ERBB4: variants seen among roughly 807,000 people sequenced by gnomAD.
The protein encoded by ERBB4 is receptor tyrosine-protein kinase erbB-4.
Under a neutral mutation model 158.0 loss-of-function variants are expected in ERBB4, and 42 were observed. The ratio of observed to expected loss-of-function variants is 0.27; its 90% confidence interval spans 0.21 to 0.34. ERBB4 has a LOEUF of 0.34. Ranked by LOEUF, ERBB4 falls within the 10% of genes least tolerant of loss-of-function variation. ERBB4 has a pLI of 1.00. For missense variants in ERBB4, 1,333 were observed against 1,624.1 expected, an observed-to-expected ratio of 0.82 and a Z score of 3.08; for synonymous variants, 583 against 558.7, an observed-to-expected ratio of 1.04 and a Z score of -0.61.
intron 3 of ERBB4, among the ~76,000 whole-genome samples, chr2:211,801,317 C>T (rs943502899): frequency 8.5e-5 from 13 of 152,104 alleles, no homozygotes; most frequent in Non-Finnish European, 1.9e-4. Flanking sequence ...GTTAGGTGAA[C>T]TTACTGGATT....
intron 25 of ERBB4, among the ~76,000 whole-genome samples, chr2:211,400,112 C>T (rs2063002312): frequency 6.6e-6 from 1 of 152,080 alleles, no homozygotes; most frequent in Non-Finnish European, 1.5e-5. Flanking sequence ...TGGAGAAGAG[C>T]TCTTGATAAG....
chr2:211,545,202 T>G (rs902763062), intron 20 of ERBB4, among the ~76,000 whole-genome samples: 2 of 152,024 alleles, frequency 1.3e-5, no homozygotes, highest in African/African-American at 4.8e-5. Context: ...GGCTAGACGC[T>G]TAACATTTTT....
chr2:212,044,661 T>C (rs929590293), intron 2 of ERBB4, among the ~76,000 whole-genome samples: 1 of 152,138 alleles, frequency 6.6e-6, no homozygotes, highest in African/African-American at 2.4e-5. Context: ...ACTTTTGATG[T>C]TAGTACAAAG....
intron 2 of ERBB4, among the ~76,000 whole-genome samples, chr2:211,958,266 A>G (rs374238627): frequency 2.7e-4 from 41 of 152,236 alleles, no homozygotes; most frequent in African/African-American, 9.4e-4. Flanking sequence ...AAATTCAAAC[A>G]TACGCAATAG....
At chr2:211,831,103 T>C (rs116140256) in intron 3 of ERBB4, among the ~76,000 whole-genome samples, 6,823 of 152,258 alleles carry the variant, frequency 0.045, 267 homozygotes, top group Middle Eastern at 0.068. Flanking sequence ...AATGAAAAAG[T>C]ACTTAGCTTG....
intron 2 of ERBB4, among the ~76,000 whole-genome samples, chr2:212,106,838 G>A (rs867040301): frequency 6.6e-6 from 1 of 152,236 alleles, no homozygotes; most frequent in Non-Finnish European, 1.5e-5. Context: ...TCAGGCCATG[G>A]CTTCAGAGGG....
intron 10 of ERBB4, among the ~76,000 whole-genome samples, chr2:211,704,750 T>G (rs11892210): frequency 0.045 from 6,913 of 152,228 alleles, 517 homozygotes; most frequent in African/African-American, 0.16. Flanking sequence ...AAAAACATAG[T>G]TTCAAAGATC....
Position 211,842,422 on chromosome 2 carries a change from T to C in ERBB4, c.422-54263A>G, listed in dbSNP as rs181245021. ...ACAATTCATTCAAACTTGAGATAAA[T>C]GTAGTCAATATCTTTTCTGGAAAAT... On this transcript the variant is annotated intron_variant, in intron 3 of 27. Coordinates refer to ENST00000342788, the MANE Select transcript of ERBB4 (RefSeq NM_005235.3). 5.4e-3 allele frequency among the ~76,000 whole-genome samples: 816 copies of C among 151,292 alleles called. 6 individuals are homozygous for C. The highest frequency in any genetic ancestry group is 9.6e-3 in the Non-Finnish European group (646 of 67,500).
chr2:212,349,957 G>A (rs746867956), intron 1 of ERBB4, among the ~76,000 whole-genome samples: 1 of 151,744 alleles, frequency 6.6e-6, no homozygotes, highest in Non-Finnish European at 1.5e-5. Context: ...ATTTGTCCTT[G>A]AAAAAAACAA....
intron 16 of ERBB4, among the ~76,000 whole-genome samples, chr2:211,647,791 C>T (rs916458537): frequency 3.3e-5 from 5 of 151,632 alleles, no homozygotes; most frequent in Non-Finnish European, 7.4e-5. Flanking sequence ...TACCAACAAA[C>T]GATTAAGTTA....
chr2:212,174,204 T>A (rs2081596555), intron 1 of ERBB4, among the ~76,000 whole-genome samples: 2 of 152,072 alleles, frequency 1.3e-5, no homozygotes, highest in African/African-American at 4.8e-5. Context: ...AATCTGACAT[T>A]TTTGGATTTT....
chr2:211,803,306 T>C (rs1378078510), intron 3 of ERBB4, among the ~76,000 whole-genome samples: 1 of 152,166 alleles, frequency 6.6e-6, no homozygotes, highest in Non-Finnish European at 1.5e-5. Flanking sequence ...GGGGGAAATA[T>C]AACACTAAGA....
chr2:211,855,248 C>T (rs866002219), intron 3 of ERBB4, among the ~76,000 whole-genome samples: 22 of 152,128 alleles, frequency 1.4e-4, no homozygotes, highest in Middle Eastern at 6.8e-3. Context: ...GGATATAAGT[C>T]TTTGCCAGTT....
Position 211,665,291 on chromosome 2 carries a change from C to T in ERBB4, c.1871+32G>A, listed in dbSNP as rs371741515. On this transcript the variant is annotated intron_variant, in intron 15 of 27. Coordinates refer to ENST00000342788, the MANE Select transcript of ERBB4 (RefSeq NM_005235.3). ...AAAGATACATGTGGATAACACATAC[C>T]AGGTGAGCCCTTGGCCAGCAAGAAT... 17 of 1,611,262 alleles carry T rather than the reference C, an allele frequency of 1.1e-5. No individual in the cohort carries two copies. The African/African-American group carries it at 2.1e-4, about 20-fold the overall frequency.
intron 1 of ERBB4, among the ~76,000 whole-genome samples, chr2:212,530,537 T>C (rs1246897814): frequency 1.3e-5 from 2 of 152,112 alleles, no homozygotes; most frequent in South Asian, 2.1e-4. Flanking sequence ...TTGATAGTGA[T>C]TGGGACCCAT....
chr2:212,293,863 A>AC (rs914735326), intron 1 of ERBB4, among the ~76,000 whole-genome samples: 26 of 149,072 alleles, frequency 1.7e-4, no homozygotes, highest in African/African-American at 3.2e-4. Flanking sequence ...AAAAAACAAA[A>AC]AAAAAAAAAA....
At chr2:211,705,224 T>C in intron 10 of ERBB4, 94 bp downstream of exon 10, 1 of 867,804 alleles carries the variant, frequency 1.2e-6, no homozygotes, top group Non-Finnish European at 2.0e-6. Flanking sequence ...AGTGCTGGGA[T>C]TACTGGTGTG....
intron 1 of ERBB4, among the ~76,000 whole-genome samples, chr2:212,438,979 G>A (rs1277923002): frequency 6.6e-6 from 1 of 152,074 alleles, no homozygotes; most frequent in Non-Finnish European, 1.5e-5. Context: ...AGTGAGACAT[G>A]GTGCGTTTTA....
At chr2:212,284,104 GAC>G (rs956968263) in intron 1 of ERBB4, among the ~76,000 whole-genome samples, 2 of 151,998 alleles carry the variant, frequency 1.3e-5, no homozygotes, top group Non-Finnish European at 2.9e-5. Flanking sequence ...GAAGCACTTA[GAC>G]ACACAATAAT....
Sources: allele counts gnomAD v4.1 joint callset (sites outside exome capture counted in the v4.1 genomes callset), GRCh38; gene constraint gnomAD v4.1.1; transcripts MANE v1.5; gene names NCBI Gene and HGNC (gene_info 2026-07-23, HGNC 2026-07-21).